The following PCGF3 variants were observed in gnomAD, a reference collection of about 807,000 sequenced individuals.
PCGF3 encodes polycomb group RING finger protein 3.
Under a neutral mutation model 33.1 loss-of-function variants are expected in PCGF3, and 7 were observed. That is an observed-to-expected ratio of 0.21 (90% CI 0.12 to 0.40). The LOEUF (loss-of-function observed/expected upper bound fraction) is 0.40. PCGF3 is among the 10% of genes least tolerant of loss of function. The probability of loss-of-function intolerance (pLI) is 1.00; values close to 1 mark genes in which losing one functional copy is unlikely to be tolerated. For synonymous variants in PCGF3, 153 were observed against 121.3 expected (o/e 1.26, Z -1.72); for missense variants, 211 against 313.3 (o/e 0.67, Z 2.46).
At position 740,560 on chromosome 4, in the gene PCGF3, T is replaced by G. The variant is rs60881211; in HGVS notation, c.263-2914T>G. Among the ~76,000 whole-genome samples the G allele has an allele frequency of 7.3e-3, 1,105 of 152,124 alleles. 16 individuals are homozygous for G. Among genetic ancestry groups the G allele is most frequent in the African/African-American group, 0.025 (1,042 of 41,504 alleles). On this transcript the variant is annotated intron_variant, in intron 6 of 10. Transcript: ENST00000362003. Reference sequence around the variant, plus strand: ...GGCTCACGCACTCACCAGTCCTCTTTCCATGGATCCTGAACATGCCTGTCA... The same window carrying G: ...GGCTCACGCACTCACCAGTCCTCTTGCCATGGATCCTGAACATGCCTGTCA...
At chr4:734,024 G>GA in intron 4 of PCGF3, 1 of 1,550,834 alleles carries the variant, frequency 6.4e-7, no homozygotes, top group South Asian at 1.2e-5. Context: ...AAACACAGGA[G>GA]AGACCCCACA....
Position 729,069 on chromosome 4 carries a change from C to T in PCGF3, c.-189-1561C>T, listed in dbSNP as rs546142874. Among the ~76,000 whole-genome samples the T allele has an allele frequency of 2.8e-4, 39 of 140,506 alleles. 1 individual carries two copies. In the South Asian group the frequency reaches 8.3e-3, roughly 30 times the overall value. 92.2% of individuals were successfully genotyped at this position (140,506 alleles called of 152,430 possible). A position where few individuals can be genotyped will look rare whatever the true frequency, so the allele number is the denominator to read the frequency against. On this transcript the variant is annotated intron_variant, in intron 1 of 10. Transcript: ENST00000362003. ...GAGCCGAGATTGCACCACTGCACTC[C>T]GGCCTGGGTGACAGAGCGAGACTCC... is the stretch of plus-strand genomic sequence containing the variant.
chr4:766,265 G>A, exon 11 of PCGF3: 1 of 580,390 alleles, frequency 1.7e-6, no homozygotes, highest in South Asian at 2.0e-5. Flanking sequence ...TACAGAGGAT[G>A]AAAACACTTC....
At chr4:763,863 T>C (rs1560220977) in intron 9 of PCGF3, among the ~76,000 whole-genome samples, 1 of 152,182 alleles carries the variant, frequency 6.6e-6, no homozygotes, top group Non-Finnish European at 1.5e-5. Flanking sequence ...ACTGGACTAT[T>C]ATCCAGTACT....
At chr4:708,204 CGG>C (rs994625001) in intron 1 of PCGF3, among the ~76,000 whole-genome samples, 2 of 152,062 alleles carry the variant, frequency 1.3e-5, no homozygotes, top group African/African-American at 4.8e-5. Flanking sequence ...GGACCTCAAA[CGG>C]GGTCACTTAG....
intron 8 of PCGF3, among the ~76,000 whole-genome samples, chr4:748,271 C>G (rs1023858209): frequency 4.0e-5 from 6 of 151,836 alleles, no homozygotes; most frequent in Non-Finnish European, 8.8e-5. Flanking sequence ...ACCATCCCGG[C>G]TCACTGCAGC....
In PCGF3 at chr4:736,577, G is replaced by A. The variant is rs760637145; in HGVS notation, c.207-889G>A. Among the ~76,000 whole-genome samples the A allele has an allele frequency of 1.5e-3, 165 of 113,248 alleles. 9 individuals carry two copies. Among genetic ancestry groups the A allele is most frequent in the African/African-American group, 3.8e-3 (105 of 27,448 alleles). The allele number at this position is 113,248 out of a possible 152,430, so 74.3% of individuals were successfully genotyped here. ...TCCGCAGGGACGGTGTCCCCTGAGC[G>A]CACAGGATGCAGGGAACCTGGGGTG... On this transcript the variant is annotated intron_variant, in intron 5 of 10. Coordinates refer to ENST00000362003, the Ensembl canonical transcript of PCGF3.
chr4:736,035 TATTA>T (rs1187950751), intron 5 of PCGF3, among the ~76,000 whole-genome samples: 39 of 152,052 alleles, frequency 2.6e-4, no homozygotes, highest in African/African-American at 8.5e-4. Flanking sequence ...CTTTTATTAT[TATTA>T]TTTTTCTTAA....
chr4:753,343 G>C (rs1247720397), intron 8 of PCGF3, among the ~76,000 whole-genome samples: 1 of 152,116 alleles, frequency 6.6e-6, no homozygotes, highest in Admixed American at 6.5e-5. Flanking sequence ...ACTGTACCTG[G>C]CCTAGAACTT....
intron 8 of PCGF3, among the ~76,000 whole-genome samples, chr4:758,544 G>GTTC (rs1449053312): frequency 9.3e-5 from 10 of 107,334 alleles, no homozygotes; most frequent in Non-Finnish European, 1.2e-4. Flanking sequence ...CCTCTCCCGA[G>GTTC]TTCTCCCTCC....
chr4:762,346 T>C (rs965899384), intron 9 of PCGF3: 61 of 160,202 alleles, frequency 3.8e-4, no homozygotes, highest in Non-Finnish European at 6.6e-4. Flanking sequence ...GGAGGCAGCC[T>C]CGAGGCAAGC....
At chr4:768,907 A>G (rs1043167128) in exon 11 of PCGF3, 3 of 152,688 alleles carry the variant, frequency 2.0e-5, no homozygotes, top group East Asian at 1.9e-4. Context: ...AGGTTCCAAT[A>G]TGCATTTATT....
intron 6 of PCGF3, among the ~76,000 whole-genome samples, chr4:739,802 G>A (rs976766359): frequency 2.0e-5 from 3 of 152,234 alleles, no homozygotes; most frequent in African/African-American, 7.2e-5. Flanking sequence ...GCTCTTGTCC[G>A]GTGTGGACGC....
chr4:715,312 C>A, intron 1 of PCGF3, among the ~76,000 whole-genome samples: 1 of 137,424 alleles, frequency 7.3e-6, no homozygotes, highest in African/African-American at 2.7e-5. Flanking sequence ...GTGCTGGGAC[C>A]CTGTAGACAC....
At chr4:768,029 A>T (rs946441402) in exon 11 of PCGF3, 3 of 152,688 alleles carry the variant, frequency 2.0e-5, no homozygotes, top group Admixed American at 2.0e-4. Flanking sequence ...GTTCAGATGA[A>T]ACTGAATATC....
intron 1 of PCGF3, chr4:722,304 C>T (rs1190820739): frequency 5.8e-6 from 1 of 173,772 alleles, no homozygotes. Flanking sequence ...ACTGTGTTAT[C>T]CAGACGGCTG....
At chr4:756,278 T>C (rs1183003708) in intron 8 of PCGF3, among the ~76,000 whole-genome samples, 1 of 150,680 alleles carries the variant, frequency 6.6e-6, no homozygotes, top group Middle Eastern at 3.5e-3. Flanking sequence ...GGGGGTGCAA[T>C]CTCGGCTCAC....
chr4:761,204 A>G, intron 8 of PCGF3, 75 bp from the exon 9 acceptor site: 1 of 1,291,980 alleles, frequency 7.7e-7, no homozygotes, highest in African/African-American at 1.5e-5. Flanking sequence ...AATTAGTGAA[A>G]TATGTCTAAG....
At position 733,805 on chromosome 4, in the gene PCGF3, G is replaced by A. The variant is rs1413279200; in HGVS notation, c.109+16G>A. The A allele has an allele frequency of 1.5e-5, 25 of 1,613,640 alleles. No homozygotes were observed. The highest frequency in any genetic ancestry group is 2.0e-5 in the Non-Finnish European group (24 of 1,179,994). The stretch of plus-strand genomic sequence containing the variant: ...CTGCACACCTGTACGTGCCCTGCCC[G>A]CGCCACCCAGGGAGGGCGCGCCCTT... On this transcript the variant is annotated intron_variant, in intron 4 of 10. Transcript: ENST00000362003.
Sources: gnomAD v4.1 joint callset for allele counts (sites outside exome capture counted in the v4.1 genomes callset) on GRCh38, gnomAD v4.1.1 for gene constraint, MANE v1.5 for transcripts, NCBI Gene and HGNC (gene_info 2026-07-23, HGNC 2026-07-21) for gene names.